AFAP1L2: variants seen among roughly 807,000 people sequenced by gnomAD.
AFAP1L2 encodes actin filament-associated protein 1-like 2.
Under a neutral mutation model 99.3 loss-of-function variants are expected in AFAP1L2, and 46 were observed. The observed-to-expected ratio is 0.46, with a 90% CI of 0.37 to 0.59. The LOEUF is 0.59. AFAP1L2 is among the 20% of genes least tolerant of loss of function. The pLI is 0.00. For missense variants in AFAP1L2, 959 were observed against 1,034.9 expected (o/e 0.93, Z 1.01); for synonymous variants, 397 against 419.1 (o/e 0.95, Z 0.64).
the AFAP1L2 span, chr10:114,286,393 G>A: frequency 7.4e-6 from 12 of 1,613,930 alleles, no homozygotes; most frequent in Non-Finnish European, 1.0e-5. Context: ...AGGCCGTGCG[G>A]GCAGAGCTGG....
intron 1 of AFAP1L2, among the ~76,000 whole-genome samples, chr10:114,394,086 A>G (rs1361444331): frequency 6.6e-6 from 1 of 152,170 alleles, no homozygotes; most frequent in Non-Finnish European, 1.5e-5. Flanking sequence ...GAAAGAGAGT[A>G]CGTGTGCCCT....
rs370859065 is a variant in AFAP1L2 at position 114,308,396 on chromosome 10, C to T, written c.967+37G>A. The stretch of plus-strand genomic sequence containing the variant: ...GAGCCTGACAGCCCAGCCTCACAGC[C>T]TGGGACACCATTCCCCTCCCAACCA... On this transcript the variant is annotated intron_variant, in intron 9 of 18. Coordinates refer to ENST00000304129, the MANE Select transcript of AFAP1L2 (RefSeq NM_001001936.3). 6.3e-6 allele frequency: 10 copies of T among 1,587,084 alleles called. No homozygotes were observed. The African/African-American group carries it at 1.1e-4, about 17-fold the overall frequency.
the AFAP1L2 span, chr10:114,289,458 C>G: frequency 6.2e-7 from 1 of 1,614,210 alleles, no homozygotes; most frequent in Non-Finnish European, 8.5e-7. Context: ...TGCGGTACCA[C>G]CAGGACGTGC....
the AFAP1L2 span, chr10:114,281,014 C>T: frequency 0.52 from 78,392 of 152,064 alleles, 21,125 homozygotes; most frequent in East Asian, 0.68. Flanking sequence ...GGATTACAGG[C>T]GTGAGCTACC....
At chr10:114,379,672 T>G (rs992362867) in intron 1 of AFAP1L2, among the ~76,000 whole-genome samples, 6 of 152,200 alleles carry the variant, frequency 3.9e-5, no homozygotes, top group African/African-American at 1.4e-4. Context: ...AAAATCCTTT[T>G]GAGGTTTTAT....
intron 1 of AFAP1L2, among the ~76,000 whole-genome samples, chr10:114,400,851 A>G (rs993715338): frequency 6.6e-6 from 1 of 152,222 alleles, no homozygotes; most frequent in East Asian, 1.9e-4. Context: ...TGAAAGCTCC[A>G]CAGATGATTC....
intron 1 of AFAP1L2, among the ~76,000 whole-genome samples, chr10:114,390,603 C>T (rs2057017402): frequency 6.6e-6 from 1 of 151,634 alleles, no homozygotes; most frequent in Admixed American, 6.6e-5. Context: ...CACCTGTAAT[C>T]CCAGCTACTC....
chr10:114,338,277 C>A (rs1300021838), intron 2 of AFAP1L2, among the ~76,000 whole-genome samples: 3 of 152,164 alleles, frequency 2.0e-5, no homozygotes, highest in Non-Finnish European at 2.9e-5. Context: ...CCTTCCCTGG[C>A]AGGACTTGGC....
At chr10:114,311,676 C>T (rs1264986580) in intron 7 of AFAP1L2, among the ~76,000 whole-genome samples, 1 of 152,206 alleles carries the variant, frequency 6.6e-6, no homozygotes, top group East Asian at 1.9e-4. Context: ...CACGGATGGC[C>T]CTGCCCAGGG....
intron 1 of AFAP1L2, among the ~76,000 whole-genome samples, chr10:114,376,181 T>A (rs1323157840): frequency 1.3e-5 from 2 of 152,090 alleles, no homozygotes; most frequent in African/African-American, 4.8e-5. Context: ...GGAGAGACTG[T>A]GAGATCTTCC....
chr10:114,304,749 G>A lies in AFAP1L2; in HGVS notation c.1254C>T (p.Leu418=). 1 of 1,611,460 alleles carries A rather than the reference G, an allele frequency of 6.2e-7. No individual in the cohort carries two copies. Among genetic ancestry groups the A allele is most frequent in the East Asian group, 2.2e-5 (1 of 44,868 alleles). ...GCTTGGCCAGCTCCTCGCCCTTGTGGAGGATGCGGAAGGAGTAGAGGTGGT... is the reference window on the plus strand; with the variant it reads ...GCTTGGCCAGCTCCTCGCCCTTGTGAAGGATGCGGAAGGAGTAGAGGTGGT... ...SPDHLYSFRI[L]HKGEELAKLE... Residue 418 remains leucine (L), a synonymous_variant, in exon 11 of 19, where the codon CTC becomes CTT. Coordinates refer to ENST00000304129, the MANE Select transcript of AFAP1L2 (RefSeq NM_001001936.3).
chr10:114,306,581 G>A (rs187861191), intron 10 of AFAP1L2, among the ~76,000 whole-genome samples: 7 of 152,036 alleles, frequency 4.6e-5, no homozygotes, highest in Middle Eastern at 3.4e-3. Context: ...CATGCATATC[G>A]CCAAGCCACA....
At chr10:114,338,702 T>G (rs554787598) in intron 2 of AFAP1L2, among the ~76,000 whole-genome samples, 2 of 152,296 alleles carry the variant, frequency 1.3e-5, no homozygotes, top group South Asian at 4.1e-4. Context: ...TATACAGAGC[T>G]CCAGCACAGG....
intron 1 of AFAP1L2, among the ~76,000 whole-genome samples, chr10:114,366,849 T>G (rs1381008553): frequency 6.6e-6 from 1 of 152,148 alleles, no homozygotes; most frequent in African/African-American, 2.4e-5. Flanking sequence ...GCGCCTTTAG[T>G]CTCAGCTACT....
chr10:114,308,032 G>C, intron 9 of AFAP1L2, 123 bp from the exon 10 acceptor site: 2 of 770,390 alleles, frequency 2.6e-6, no homozygotes, highest in East Asian at 5.2e-5. Flanking sequence ...CTACATATGC[G>C]CGCACATATG....
chr10:114,287,558 G>A, the AFAP1L2 span, among the ~76,000 whole-genome samples: 3 of 152,088 alleles, frequency 2.0e-5, no homozygotes, highest in Admixed American at 2.0e-4. Flanking sequence ...CAGCCCTGAT[G>A]CCACCACTCT....
rs374312889 is a variant in AFAP1L2, at chr10:114,391,471, C to T, written c.16+12969G>A. On this transcript the variant is annotated intron_variant, in intron 1 of 18. Transcript: ENST00000304129. ...CTGACCTCAGGTGATCCACCTGCCT[C>T]AGCCTCCCAAAGTGCTGGGATTACA... Among the ~76,000 whole-genome samples, 31 of 152,338 alleles carry T rather than the reference C, an allele frequency of 2.0e-4. No individual in the cohort carries two copies. The South Asian group carries it at 5.2e-3, about 25-fold the overall frequency.
chr10:114,357,117 G>A (rs1313610691), intron 1 of AFAP1L2, among the ~76,000 whole-genome samples: 3 of 152,140 alleles, frequency 2.0e-5, no homozygotes, highest in Non-Finnish European at 1.5e-5. Context: ...TTTGTCAAAA[G>A]AAACTGCTGA....
At chr10:114,287,699 A>T in the AFAP1L2 span, among the ~76,000 whole-genome samples, 1 of 152,200 alleles carries the variant, frequency 6.6e-6, no homozygotes, top group Non-Finnish European at 1.5e-5. Flanking sequence ...TTTTTAAAAA[A>T]AATAATAGTT....
Sources: allele counts gnomAD v4.1 joint callset (sites outside exome capture counted in the v4.1 genomes callset), GRCh38; gene constraint gnomAD v4.1.1; transcripts MANE v1.5; gene names NCBI Gene and HGNC (gene_info 2026-07-23, HGNC 2026-07-21).